Variants in NCAM2 observed in about 807,000 individuals in gnomAD.
NCAM2 encodes neural cell adhesion molecule 2.
A neutral mutation model predicts 98.1 loss-of-function variants in NCAM2; 30 were observed. The ratio of observed to expected loss-of-function variants is 0.31; its 90% CI spans 0.23 to 0.41. The LOEUF is 0.41. Among genes scored for constraint, NCAM2 ranks in the 10% least tolerant of loss-of-function variants. The probability of loss-of-function intolerance (pLI) is 1.00; values close to 1 mark genes in which losing one functional copy is unlikely to be tolerated. For missense variants in NCAM2, 867 were observed against 1,005.8 expected, an observed-to-expected ratio of 0.86 and a Z score of 1.87; for synonymous variants, 368 against 342.4, an observed-to-expected ratio of 1.07 and a Z score of -0.83.
At chr21:21,008,933 G>A (rs2064157283) in intron 1 of NCAM2, among the ~76,000 whole-genome samples, 1 of 152,096 alleles carries the variant, frequency 6.6e-6, no homozygotes, top group African/African-American at 2.4e-5. Context: ...ATTGTTAAAG[G>A]CTTTGAGGAG....
intron 10 of NCAM2, among the ~76,000 whole-genome samples, 192 bp from the exon 11 acceptor site, chr21:21,418,281 G>T (rs183061571): frequency 2.0e-5 from 3 of 151,680 alleles, no homozygotes; most frequent in African/African-American, 7.3e-5. Flanking sequence ...TGGATATTAC[G>T]GGCTCATGGA....
At chr21:21,104,632 G>C (rs2066308902) in intron 1 of NCAM2, among the ~76,000 whole-genome samples, 1 of 152,026 alleles carries the variant, frequency 6.6e-6, no homozygotes, top group Non-Finnish European at 1.5e-5. Flanking sequence ...AAGTTCCTAA[G>C]ACAAGAATGA....
At chr21:21,341,439 A>T (rs1296169555) in intron 8 of NCAM2, among the ~76,000 whole-genome samples, 1 of 152,138 alleles carries the variant, frequency 6.6e-6, no homozygotes, top group Non-Finnish European at 1.5e-5. Context: ...ATTAACAGCT[A>T]ATATTTCCAA....
intron 8 of NCAM2, among the ~76,000 whole-genome samples, chr21:21,371,759 T>A (rs2075919430): frequency 1.3e-5 from 2 of 151,826 alleles, no homozygotes; most frequent in South Asian, 4.1e-4. Flanking sequence ...AAAATTAGTA[T>A]CTATCTTGTT....
chr21:21,004,855 G>C (rs2064082918), intron 1 of NCAM2, among the ~76,000 whole-genome samples: 1 of 152,072 alleles, frequency 6.6e-6, no homozygotes, highest in African/African-American at 2.4e-5. Flanking sequence ...ATGAGGGTTT[G>C]CATATGGGAC....
intron 15 of NCAM2, among the ~76,000 whole-genome samples, chr21:21,505,212 G>C (rs970008705): frequency 6.6e-6 from 1 of 151,794 alleles, no homozygotes; most frequent in African/African-American, 2.4e-5. Flanking sequence ...AATAAAATAG[G>C]GCTCCTATAT....
intron 1 of NCAM2, among the ~76,000 whole-genome samples, chr21:21,062,713 ATTGT>A (rs2065348763): frequency 6.6e-6 from 1 of 152,176 alleles, no homozygotes; most frequent in Non-Finnish European, 1.5e-5. Context: ...GACAAAATGT[ATTGT>A]TTGTTTTTAA....
intron 1 of NCAM2, among the ~76,000 whole-genome samples, chr21:21,211,018 A>G (rs1208814485): frequency 1.6e-5 from 2 of 124,732 alleles, no homozygotes; most frequent in African/African-American, 5.5e-5. Flanking sequence ...ACACACACAC[A>G]CACACGGGTT....
chr21:21,505,868 C>A (rs1248287771), intron 15 of NCAM2, among the ~76,000 whole-genome samples: 1 of 151,924 alleles, frequency 6.6e-6, no homozygotes, highest in Non-Finnish European at 1.5e-5. Context: ...ATCTTCTCAA[C>A]AAACTTGTGA....
intron 1 of NCAM2, among the ~76,000 whole-genome samples, chr21:21,203,884 C>A (rs139921782): frequency 6.6e-6 from 1 of 152,200 alleles, no homozygotes; most frequent in East Asian, 1.9e-4. Flanking sequence ...ATTAAGTATT[C>A]ATTTTACATG....
intron 1 of NCAM2, among the ~76,000 whole-genome samples, chr21:21,064,840 G>A (rs1035840546): frequency 2.6e-5 from 4 of 152,022 alleles, no homozygotes; most frequent in Non-Finnish European, 5.9e-5. Flanking sequence ...CTTGATCAAC[G>A]GGCAACATGA....
In NCAM2 at chr21:21,387,189, C is replaced by G. The variant is rs1051391638; in HGVS notation, c.1195+13176C>G. 4.7e-3 allele frequency among the ~76,000 whole-genome samples: 235 copies of G among 50,416 alleles called. 3 individuals are homozygous for G. The highest frequency in any genetic ancestry group is 0.02 in the African/African-American group (227 of 11,282). The allele number at this position is 50,416 out of a possible 152,430, so 33.1% of individuals were successfully genotyped here. A position where few individuals can be genotyped will look rare whatever the true frequency, so the allele number is the denominator to read the frequency against. ...TTTACTTGGTGCGCACACACACATA[C>G]ACACACACACACACACACACACACA... On this transcript the variant is annotated intron_variant, in intron 9 of 17. Coordinates refer to ENST00000400546, the MANE Select transcript of NCAM2 (RefSeq NM_004540.5).
chr21:21,163,230 A>G, intron 1 of NCAM2, among the ~76,000 whole-genome samples: 1 of 152,168 alleles, frequency 6.6e-6, no homozygotes. Flanking sequence ...TAAATGCATT[A>G]CATTCAGTGT....
intron 5 of NCAM2, among the ~76,000 whole-genome samples, chr21:21,302,509 T>A (rs904917618): frequency 1.3e-5 from 2 of 152,020 alleles, no homozygotes; most frequent in African/African-American, 4.8e-5. Context: ...GTTATGCTTA[T>A]CATCACTAAT....
At chr21:21,329,426 A>G (rs1183068857) in intron 6 of NCAM2, among the ~76,000 whole-genome samples, 1 of 152,198 alleles carries the variant, frequency 6.6e-6, no homozygotes, top group Non-Finnish European at 1.5e-5. Flanking sequence ...GTAATAGGCT[A>G]TATACCATCT....
intron 5 of NCAM2, among the ~76,000 whole-genome samples, chr21:21,299,557 G>A (rs961743419): frequency 4.0e-4 from 60 of 151,546 alleles, no homozygotes; most frequent in African/African-American, 1.3e-3. Context: ...CGTCTAAAAT[G>A]TGATTCTCTC....
At chr21:21,109,850 G>A (rs1365238589) in intron 1 of NCAM2, among the ~76,000 whole-genome samples, 1 of 152,164 alleles carries the variant, frequency 6.6e-6, no homozygotes, top group Non-Finnish European at 1.5e-5. Flanking sequence ...TTAAAGATAA[G>A]AACCTTTAAC....
intron 1 of NCAM2, among the ~76,000 whole-genome samples, chr21:21,097,427 T>A (rs548616418): frequency 6.2e-4 from 94 of 151,874 alleles, no homozygotes; most frequent in Admixed American, 1.1e-3. Flanking sequence ...AATTGAGGAC[T>A]GTTTTTATTA....
rs1312733850 is a variant in NCAM2 at position 21,318,497 on chromosome 21, T to C, written c.620-5886T>C. On this transcript the variant is annotated intron_variant, in intron 5 of 17. Transcript: ENST00000400546. ...TAGACATCTAGTGATGGATTAGCTT[T>C]AGTAAATTGTATTAAAAAATCTATT... Among the ~76,000 whole-genome samples the C allele has an allele frequency of 3.3e-5, 5 of 152,168 alleles. No individual in the cohort carries two copies. In the East Asian group the frequency reaches 7.7e-4, roughly 23 times the overall value.
Sources: allele counts gnomAD v4.1 joint callset (sites outside exome capture counted in the v4.1 genomes callset), GRCh38; gene constraint gnomAD v4.1.1; transcripts MANE v1.5; gene names NCBI Gene and HGNC (gene_info 2026-07-23, HGNC 2026-07-21).